Variants in NPR3 observed in about 807,000 individuals in gnomAD.
NPR3 encodes the protein natriuretic peptide receptor 3.
A neutral mutation model predicts 54.5 loss-of-function variants in NPR3; 34 were observed. The observed-to-expected ratio is 0.62, with a 90% confidence interval of 0.47 to 0.83. The LOEUF is 0.83. Among genes scored for constraint, NPR3 ranks in the 40% least tolerant of loss-of-function variants. NPR3 has a pLI of 0.00. For missense variants in NPR3, 674 were observed against 720.8 expected, an observed-to-expected ratio of 0.94 and a Z score of 0.74; for synonymous variants, 289 against 297.1, an observed-to-expected ratio of 0.97 and a Z score of 0.28.
At chr5:32,759,555 TC>T (rs1216688632) in intron 3 of NPR3, among the ~76,000 whole-genome samples, 22 of 152,252 alleles carry the variant, frequency 1.4e-4, no homozygotes, top group African/African-American at 5.3e-4. Context: ...TGACTCTTTA[TC>T]CAATTTGCCA....
rs1302626288 is a variant in NPR3 at position 32,724,790 on chromosome 5, A to G, written c.862A>G (p.Asn288Asp). 1.2e-6 allele frequency: 2 copies of G among 1,613,896 alleles called. No homozygotes were observed. Among genetic ancestry groups the G allele is most frequent in the Non-Finnish European group, 1.7e-6 (2 of 1,179,868 alleles). Residue 288 changes from asparagine to aspartate, a missense_variant, in exon 2 of 8, where the codon AAC (asparagine) becomes GAC (aspartate). By Grantham distance (23) the Asn-to-Asp change is conservative. Transcript: ENST00000265074. ...GACCAGTGGAGACTACGCCTTCTTC[A>G]ACATTGAGCTCTTCAACAGCTCTTC... ...GMTSGDYAFF[N>D]IELFNSSSYG...
At chr5:32,761,715 T>C (rs1203593944) in intron 3 of NPR3, among the ~76,000 whole-genome samples, 1 of 151,262 alleles carries the variant, frequency 6.6e-6, no homozygotes, top group Non-Finnish European at 1.5e-5. Context: ...GGTAACTCTC[T>C]TTGGCTATCT....
chr5:32,708,168 A>G (rs1738048316), upstream of NPR3, among the ~76,000 whole-genome samples: 1 of 152,072 alleles, frequency 6.6e-6, no homozygotes, highest in Non-Finnish European at 1.5e-5. Context: ...GCATTTTCCC[A>G]TAACTTTCCT....
At chr5:32,726,768 A>C (rs1301253274) in intron 2 of NPR3, among the ~76,000 whole-genome samples, 1 of 152,246 alleles carries the variant, frequency 6.6e-6, no homozygotes, top group East Asian at 1.9e-4. Context: ...AGAAAAGCAC[A>C]GGAAAGAAAA....
chr5:32,705,498 C>T (rs1737963016), upstream of NPR3, among the ~76,000 whole-genome samples: 2 of 152,172 alleles, frequency 1.3e-5, no homozygotes, highest in South Asian at 2.1e-4. Context: ...AACTTACAAT[C>T]ATGGCAGAAG....
intron 3 of NPR3, 55 bp from the exon 4 acceptor site, chr5:32,774,653 T>A: frequency 2.8e-6 from 4 of 1,426,360 alleles, no homozygotes; most frequent in Admixed American, 3.4e-5. Flanking sequence ...CTCATCTTAT[T>A]CCTGGCATGA....
chr5:32,764,503 T>G (rs1430106798), intron 3 of NPR3, among the ~76,000 whole-genome samples: 1 of 152,012 alleles, frequency 6.6e-6, no homozygotes, highest in East Asian at 1.9e-4. Flanking sequence ...AAAAAAAGAA[T>G]TTGGCCGGGC....
chr5:32,779,137 A>G (rs932185263), intron 4 of NPR3, among the ~76,000 whole-genome samples: 2 of 152,174 alleles, frequency 1.3e-5, no homozygotes, highest in Admixed American at 6.5e-5. Context: ...ACCCACATAC[A>G]TGCCCTCTCC....
chr5:32,776,423 G>A (rs1334901247), intron 4 of NPR3, among the ~76,000 whole-genome samples: 1 of 152,190 alleles, frequency 6.6e-6, no homozygotes. Context: ...TTCCAACAGG[G>A]AACATTGCTA....
At chr5:32,726,054 A>G (rs545527304) in intron 2 of NPR3, among the ~76,000 whole-genome samples, 1 of 152,354 alleles carries the variant, frequency 6.6e-6, no homozygotes. Flanking sequence ...TGAAGCAGAC[A>G]GCATCGGGCT....
At chr5:32,780,367 T>C (rs980942200) in intron 4 of NPR3, among the ~76,000 whole-genome samples, 10 of 152,174 alleles carry the variant, frequency 6.6e-5, no homozygotes, top group Non-Finnish European at 1.2e-4. Context: ...TCTATAAATG[T>C]ACCCCACCTC....
chr5:32,778,986 T>C (rs1742205445), intron 4 of NPR3, among the ~76,000 whole-genome samples: 1 of 152,226 alleles, frequency 6.6e-6, no homozygotes, highest in Non-Finnish European at 1.5e-5. Flanking sequence ...AAGTTTATGG[T>C]AGGTGTACCC....
chr5:32,735,068 G>A (rs1333445168), intron 2 of NPR3, among the ~76,000 whole-genome samples: 2 of 152,110 alleles, frequency 1.3e-5, no homozygotes, highest in African/African-American at 4.8e-5. Flanking sequence ...GGCAGCCCCT[G>A]GTTTCTAATT....
rs762644002 is a variant in NPR3, at chr5:32,783,014, C to T, written c.1412C>T (p.Ser471Phe). 2 of 1,601,326 alleles carry T rather than the reference C, an allele frequency of 1.2e-6. No homozygotes were observed. Among genetic ancestry groups the T allele is most frequent in the East Asian group, 2.2e-5 (1 of 44,612 alleles). ...CGAATTGTAGAGCATACAAACAGCT[C>T]TCCCTGCAAATCATGTAAGTCTGGA... ...ENRIVEHTNS[S>F]PCKSSGGLEE... Residue 471 changes from serine to phenylalanine, a missense_variant, in exon 6 of 8, where the codon TCT becomes TTT. By Grantham distance (155) the Ser-to-Phe change is radical. Transcript: ENST00000265074.
intron 3 of NPR3, among the ~76,000 whole-genome samples, chr5:32,748,913 T>C (rs1011809842): frequency 2.6e-5 from 4 of 151,554 alleles, no homozygotes; most frequent in Non-Finnish European, 5.9e-5. Flanking sequence ...CAACTCTTCT[T>C]TTTTCTTTTA....
intron 1 of NPR3, among the ~76,000 whole-genome samples, chr5:32,721,422 G>A (rs1738853498): frequency 6.6e-6 from 1 of 152,176 alleles, no homozygotes; most frequent in African/African-American, 2.4e-5. Context: ...AGCACTTTGG[G>A]AGGCCCACGG....
intron 4 of NPR3, among the ~76,000 whole-genome samples, chr5:32,778,164 G>GAATA (rs1742164563): frequency 6.6e-6 from 1 of 151,898 alleles, no homozygotes; most frequent in Admixed American, 6.6e-5. Flanking sequence ...CTCTATTCTA[G>GAATA]GGCCAGGTCT....
At chr5:32,697,545 GA>G (rs1202993376) in intron 1 of NPR3, among the ~76,000 whole-genome samples, 2 of 151,792 alleles carry the variant, frequency 1.3e-5, no homozygotes, top group African/African-American at 4.8e-5. Flanking sequence ...CGATTTTTCA[GA>G]GTAGTTTGAG....
chr5:32,719,313 GT>G (rs1579599534), intron 1 of NPR3, among the ~76,000 whole-genome samples: 1 of 151,986 alleles, frequency 6.6e-6, no homozygotes, highest in East Asian at 1.9e-4. Flanking sequence ...TTATGTTTTT[GT>G]TTTGTTGGAC....
Sources: allele counts gnomAD v4.1 joint callset (sites outside exome capture counted in the v4.1 genomes callset), GRCh38; gene constraint gnomAD v4.1.1; transcripts MANE v1.5; gene names NCBI Gene and HGNC (gene_info 2026-07-23, HGNC 2026-07-21).